LHFPL3: variants seen among roughly 807,000 people sequenced by gnomAD.
The protein encoded by LHFPL3 is LHFPL tetraspan subfamily member 3.
Under a neutral mutation model 19.3 loss-of-function variants are expected in LHFPL3, and 5 were observed. The observed-to-expected ratio is 0.26, with a 90% confidence interval of 0.14 to 0.54. LHFPL3 has a LOEUF of 0.54. LHFPL3 is among the 20% of genes least tolerant of loss of function. The pLI, the probability that LHFPL3 is intolerant of heterozygous loss-of-function variation, is 0.94. For missense variants in LHFPL3, 249 were observed against 307.4 expected, an observed-to-expected ratio of 0.81 and a Z score of 1.42; for synonymous variants, 133 against 126.2, an observed-to-expected ratio of 1.05 and a Z score of -0.36.
chr7:104,781,502 C>T (rs1184591781), intron 2 of LHFPL3, among the ~76,000 whole-genome samples: 3 of 151,942 alleles, frequency 2.0e-5, no homozygotes, highest in Non-Finnish European at 2.9e-5. Flanking sequence ...TGCCCAGTGC[C>T]TCTCTTCACC....
intron 1 of LHFPL3, among the ~76,000 whole-genome samples, chr7:104,530,018 T>TGG (rs1357426924): frequency 6.6e-6 from 1 of 152,164 alleles, no homozygotes; most frequent in Non-Finnish European, 1.5e-5. Flanking sequence ...CATCCAAGAA[T>TGG]GGGGGCTATG....
chr7:104,748,498 C>T (rs2116336479), intron 2 of LHFPL3, among the ~76,000 whole-genome samples: 1 of 129,156 alleles, frequency 7.7e-6, no homozygotes, highest in Admixed American at 8.4e-5. Context: ...GGGAAAACCG[C>T]CTTAGGGCTG....
intron 1 of LHFPL3, among the ~76,000 whole-genome samples, chr7:104,544,116 TCTAA>T (rs1794538426): frequency 6.6e-6 from 1 of 151,894 alleles, no homozygotes; most frequent in Admixed American, 6.6e-5. Flanking sequence ...TTTTAATTAT[TCTAA>T]CTAACCTAGG....
At chr7:104,571,001 C>G (rs1415863674) in intron 1 of LHFPL3, among the ~76,000 whole-genome samples, 61 of 152,160 alleles carry the variant, frequency 4.0e-4, no homozygotes, top group Non-Finnish European at 7.4e-5. Flanking sequence ...ACATACTGCC[C>G]TTAGTGTTCA....
intron 1 of LHFPL3, among the ~76,000 whole-genome samples, chr7:104,565,725 A>G (rs200398769): frequency 0.12 from 218 of 1,800 alleles, no homozygotes; most frequent in African/African-American, 0.25. Flanking sequence ...CTGTCTGTCT[A>G]TCTATCTATC....
intron 1 of LHFPL3, among the ~76,000 whole-genome samples, chr7:104,389,081 A>C (rs777094979): frequency 3.3e-5 from 5 of 152,162 alleles, no homozygotes; most frequent in Non-Finnish European, 5.9e-5. Context: ...AAGTAAAACT[A>C]TCTGTTTGCA....
intron 1 of LHFPL3, among the ~76,000 whole-genome samples, chr7:104,493,960 CA>C (rs1393796403): frequency 6.6e-6 from 1 of 152,166 alleles, no homozygotes; most frequent in Non-Finnish European, 1.5e-5. Context: ...TATACTAAAA[CA>C]TTTCAAATTC....
intron 2 of LHFPL3, among the ~76,000 whole-genome samples, chr7:104,750,507 A>G (rs1472441376): frequency 1.3e-5 from 2 of 152,216 alleles, no homozygotes; most frequent in Non-Finnish European, 2.9e-5. Flanking sequence ...TTTCGCCTTT[A>G]TAGTCTGAAT....
At chr7:104,341,802 G>A (rs76608334) in intron 1 of LHFPL3, among the ~76,000 whole-genome samples, 2 of 152,102 alleles carry the variant, frequency 1.3e-5, no homozygotes, top group Non-Finnish European at 2.9e-5. Context: ...GCCTTTTACA[G>A]GGTCAGGTCC....
chr7:104,485,311 G>A (rs1283758787), intron 1 of LHFPL3, among the ~76,000 whole-genome samples: 3 of 151,730 alleles, frequency 2.0e-5, no homozygotes, highest in Non-Finnish European at 4.4e-5. Context: ...ATTCTCATAT[G>A]TTTTATTTTC....
chr7:104,370,183 C>G (rs943464848), intron 1 of LHFPL3, among the ~76,000 whole-genome samples: 7 of 152,260 alleles, frequency 4.6e-5, no homozygotes, highest in Admixed American at 4.6e-4. Flanking sequence ...GGAACTAAAA[C>G]TTGGTCCCCT....
rs1013820511 is a variant in LHFPL3, at chr7:104,777,753, CT to C, written c.682+40854del. ...CGGTTCAGTTGCCATTGATGAACTT[CT>C]TTTTTTTTTTTCCCTTCGTTCCCTT... On this transcript the variant is annotated intron_variant, in intron 2 of 2. Coordinates refer to ENST00000424859, the MANE Select transcript of LHFPL3 (RefSeq NM_199000.3). Among the ~76,000 whole-genome samples the C allele has an allele frequency of 1.2e-3, 175 of 145,684 alleles. 1 individual carries two copies. The highest frequency in any genetic ancestry group is 7.0e-3 in the Middle Eastern group (2 of 286).
At chr7:104,903,462 C>CTTTT (rs34097567) in intron 2 of LHFPL3, among the ~76,000 whole-genome samples, 1 of 126,744 alleles carries the variant, frequency 7.9e-6, no homozygotes. Context: ...TCTAGTTATA[C>CTTTT]TTTTTTTTTT....
At position 104,547,060 on chromosome 7, in the gene LHFPL3, C is replaced by A. The variant is rs1378749933; in HGVS notation, c.446-189615C>A. Among the ~76,000 whole-genome samples the A allele has an allele frequency of 7.6e-4, 34 of 44,966 alleles. 8 individuals carry two copies. Among genetic ancestry groups the A allele is most frequent in the African/African-American group, 2.3e-3 (34 of 14,484 alleles). 29.5% of individuals were successfully genotyped at this position (44,966 alleles called of 152,430 possible). On this transcript the variant is annotated intron_variant, in intron 1 of 2. Transcript: ENST00000424859. ...GACCATCCTGGCTAACAAGGTGAAA[C>A]CCCGTCTCTACTAAAAATACAAAAA...
At chr7:104,728,652 CTT>C (rs1793633027) in intron 1 of LHFPL3, among the ~76,000 whole-genome samples, 1 of 152,186 alleles carries the variant, frequency 6.6e-6, no homozygotes, top group Non-Finnish European at 1.5e-5. Context: ...AGTGCCAACT[CTT>C]TATTTTCTAT....
chr7:104,815,016 A>G (rs73714133), intron 2 of LHFPL3, among the ~76,000 whole-genome samples: 2,327 of 152,186 alleles, frequency 0.015, 51 homozygotes, highest in African/African-American at 0.052. Flanking sequence ...CACCTGCTCT[A>G]TGGAGCAGGA....
At chr7:104,496,260 T>A (rs572017414) in intron 1 of LHFPL3, among the ~76,000 whole-genome samples, 3 of 152,106 alleles carry the variant, frequency 2.0e-5, no homozygotes, top group South Asian at 2.1e-4. Context: ...GAGAATGATG[T>A]TTTCCAGCTT....
chr7:104,770,449 T>C (rs1402392244), intron 2 of LHFPL3, among the ~76,000 whole-genome samples: 1 of 152,200 alleles, frequency 6.6e-6, no homozygotes, highest in Admixed American at 6.5e-5. Flanking sequence ...AAGTATACCA[T>C]TAACACTGGC....
At chr7:104,868,289 G>C (rs951891194) in intron 2 of LHFPL3, among the ~76,000 whole-genome samples, 43 of 152,242 alleles carry the variant, frequency 2.8e-4, no homozygotes, top group African/African-American at 1.0e-3. Context: ...AAGTCAAATT[G>C]TCCCTGTTTG....
Sources: allele counts gnomAD v4.1 joint callset (sites outside exome capture counted in the v4.1 genomes callset), GRCh38; gene constraint gnomAD v4.1.1; transcripts MANE v1.5; gene names NCBI Gene and HGNC (gene_info 2026-07-23, HGNC 2026-07-21).